RORA: variants seen among roughly 807,000 people sequenced by gnomAD.
RORA encodes the protein RAR related orphan receptor A.
RORA carries 7 observed loss-of-function variants against 69.5 expected under a neutral mutation model. That is an observed-to-expected ratio of 0.10 (90% CI 0.06 to 0.19). The LOEUF is 0.19. RORA is among the 10% of genes least tolerant of loss of function. The pLI is 1.00. For synonymous variants in RORA, 261 were observed against 240.8 expected (o/e 1.08, Z -0.78); for missense variants, 457 against 663.0 (o/e 0.69, Z 3.41).
chr15:60,723,334 C>CA (rs2071316324), intron 1 of RORA, among the ~76,000 whole-genome samples: 1 of 151,814 alleles, frequency 6.6e-6, no homozygotes, highest in African/African-American at 2.4e-5. Flanking sequence ...TTTATCATCT[C>CA]AAAACTGGTT....
At chr15:61,137,942 G>A (rs2079260852) in intron 1 of RORA, among the ~76,000 whole-genome samples, 1 of 152,158 alleles carries the variant, frequency 6.6e-6, no homozygotes, top group Non-Finnish European at 1.5e-5. Context: ...GAAAGTTATT[G>A]TCCACCAGGA....
In RORA at chr15:60,495,467, A is replaced by AT. The variant is rs2065144567; in HGVS notation, c.*1987dup. 6.6e-6 allele frequency: 1 copy of AT among 152,378 alleles called. No homozygotes were observed. Among genetic ancestry groups the AT allele is most frequent in the Admixed American group, 6.5e-5 (1 of 15,308 alleles). 9.4% of individuals were successfully genotyped at this position (152,378 alleles called of 1,614,324 possible). A position where few individuals can be genotyped will look rare whatever the true frequency, so the allele number is the denominator to read the frequency against. ...AGGCTTCATACACACATCTGTGTGA[A>AT]TAATACCTTCCCCTTTTCCAAGTCC... On this transcript the variant is annotated 3_prime_UTR_variant, in exon 11 of 11. Transcript: ENST00000335670.
At chr15:61,032,548 A>G (rs1419049202) in intron 1 of RORA, among the ~76,000 whole-genome samples, 2 of 152,342 alleles carry the variant, frequency 1.3e-5, no homozygotes, top group Non-Finnish European at 2.9e-5. Context: ...TCACATGACA[A>G]TCATATGGAG....
At chr15:60,592,655 G>A in intron 2 of RORA, 1 of 1,111,662 alleles carries the variant, frequency 9.0e-7, no homozygotes, top group Non-Finnish European at 1.1e-6. Context: ...GCGGGAGGCG[G>A]GAGGCAGGCG....
chr15:60,756,103 T>C (rs937127066), intron 1 of RORA, among the ~76,000 whole-genome samples: 2 of 152,212 alleles, frequency 1.3e-5, no homozygotes, highest in African/African-American at 4.8e-5. Context: ...ACAAAAAAAG[T>C]TTCTGCAATG....
At chr15:60,507,976 G>A (rs1023166383) in intron 5 of RORA, among the ~76,000 whole-genome samples, 2 of 152,204 alleles carry the variant, frequency 1.3e-5, no homozygotes, top group Non-Finnish European at 2.9e-5. Flanking sequence ...CAGTGTACCT[G>A]ACATACCAGT....
chr15:60,726,225 T>C (rs2071355074), intron 1 of RORA, among the ~76,000 whole-genome samples: 1 of 152,176 alleles, frequency 6.6e-6, no homozygotes, highest in African/African-American at 2.4e-5. Context: ...TTTCACTGCA[T>C]GCACTGTCCA....
chr15:60,984,587 C>A (rs8041793), intron 1 of RORA, among the ~76,000 whole-genome samples: 2 of 151,940 alleles, frequency 1.3e-5, no homozygotes, highest in South Asian at 2.1e-4. Flanking sequence ...AATAATAAGG[C>A]ACTGTCTGTA....
chr15:61,158,273 T>G (rs1468987167), intron 1 of RORA, among the ~76,000 whole-genome samples: 1 of 152,188 alleles, frequency 6.6e-6, no homozygotes, highest in African/African-American at 2.4e-5. Flanking sequence ...CTGATCTGAC[T>G]TGGCTTAAAC....
At chr15:61,046,921 G>A (rs1897055350) in intron 1 of RORA, among the ~76,000 whole-genome samples, 1 of 152,212 alleles carries the variant, frequency 6.6e-6, no homozygotes. Context: ...CTTTGTCAAA[G>A]TGGAATTGAT....
At chr15:60,695,306 A>T (rs8040332) in intron 1 of RORA, among the ~76,000 whole-genome samples, 124,392 of 152,094 alleles carry the variant, frequency 0.82, 51,692 homozygotes, top group East Asian at 0.94. Flanking sequence ...TTCAGGCTAC[A>T]CTAACTTAGC....
chr15:61,139,478 G>T (rs754292895), intron 1 of RORA, among the ~76,000 whole-genome samples: 4 of 152,212 alleles, frequency 2.6e-5, no homozygotes, highest in Non-Finnish European at 5.9e-5. Context: ...AAAAGACTGG[G>T]ACATAAAAAA....
intron 1 of RORA, among the ~76,000 whole-genome samples, chr15:60,823,531 T>G (rs531824190): frequency 6.6e-6 from 1 of 152,356 alleles, no homozygotes; most frequent in Non-Finnish European, 1.5e-5. Context: ...TGGCACACAG[T>G]GGGCACTCAA....
intron 1 of RORA, among the ~76,000 whole-genome samples, chr15:60,951,953 A>C (rs1280275010): frequency 6.6e-6 from 1 of 150,424 alleles, no homozygotes; most frequent in Non-Finnish European, 1.5e-5. Context: ...GGCCAGCATC[A>C]TTCTGATACC....
chr15:61,148,454 C>T (rs1012755853), intron 1 of RORA, among the ~76,000 whole-genome samples: 11 of 152,112 alleles, frequency 7.2e-5, no homozygotes, highest in Admixed American at 6.6e-4. Flanking sequence ...ATCTTTTACC[C>T]GGGTTATGGC....
intron 1 of RORA, among the ~76,000 whole-genome samples, chr15:60,858,608 G>A (rs2073404594): frequency 6.6e-6 from 1 of 151,720 alleles, no homozygotes; most frequent in African/African-American, 2.4e-5. Flanking sequence ...TGGGCAGCAG[G>A]AAGGAGAGGA....
At chr15:60,755,795 C>A (rs1423721451) in intron 1 of RORA, among the ~76,000 whole-genome samples, 2 of 152,324 alleles carry the variant, frequency 1.3e-5, no homozygotes, top group South Asian at 4.1e-4. Context: ...AACTCATCTC[C>A]TGTTTGTTCC....
chr15:61,140,006 G>A (rs947144738), intron 1 of RORA, among the ~76,000 whole-genome samples: 2 of 152,140 alleles, frequency 1.3e-5, no homozygotes, highest in Non-Finnish European at 2.9e-5. Context: ...GCACTTCCCA[G>A]ACTTCATTTG....
chr15:60,775,347 G>GA (rs1366395526), intron 1 of RORA, among the ~76,000 whole-genome samples: 3 of 151,962 alleles, frequency 2.0e-5, no homozygotes, highest in Non-Finnish European at 2.9e-5. Flanking sequence ...TTGCTAGAAG[G>GA]AAAAAAACCC....
Sources: allele counts gnomAD v4.1 joint callset (sites outside exome capture counted in the v4.1 genomes callset), GRCh38; gene constraint gnomAD v4.1.1; transcripts MANE v1.5; gene names NCBI Gene and HGNC (gene_info 2026-07-23, HGNC 2026-07-21).